The following TENT2 variants were observed in gnomAD, a reference collection of about 807,000 sequenced individuals.
The protein encoded by TENT2 is terminal nucleotidyltransferase 2, also known as poly(A) RNA polymerase GLD2.
A neutral mutation model predicts 72.2 loss-of-function variants in TENT2; 44 were observed. That is an observed-to-expected ratio of 0.61 (90% CI 0.48 to 0.78). The LOEUF is 0.78. TENT2 is among the 30% of genes least tolerant of loss of function. The pLI, the probability that TENT2 is intolerant of heterozygous loss-of-function variation, is 0.00. For missense variants in TENT2, 541 were observed against 569.6 expected (o/e 0.95, Z 0.51); for synonymous variants, 212 against 192.5 (o/e 1.10, Z -0.84).
intron 7 of TENT2, among the ~76,000 whole-genome samples, chr5:79,643,496 A>G (rs1012535222): frequency 6.6e-6 from 1 of 152,190 alleles, no homozygotes; most frequent in Non-Finnish European, 1.5e-5. Flanking sequence ...CTTCCATAGA[A>G]TTTTATAGAA....
chr5:79,683,650 T>G (rs1021680568), intron 14 of TENT2, among the ~76,000 whole-genome samples: 7 of 152,072 alleles, frequency 4.6e-5, no homozygotes, highest in Non-Finnish European at 7.4e-5. Flanking sequence ...GCGCGGTGGC[T>G]CACGCCTGTA....
At chr5:79,656,381 T>C (rs781502547) in intron 10 of TENT2, among the ~76,000 whole-genome samples, 2 of 151,992 alleles carry the variant, frequency 1.3e-5, no homozygotes, top group Non-Finnish European at 2.9e-5. Flanking sequence ...CTGAGCATTC[T>C]TTAAAAATGT....
intron 14 of TENT2, among the ~76,000 whole-genome samples, chr5:79,682,920 G>T (rs1823197342): frequency 1.3e-5 from 2 of 152,130 alleles, no homozygotes; most frequent in African/African-American, 4.8e-5. Flanking sequence ...GAGACATGGA[G>T]GGGAGGGAAA....
chr5:79,666,984 A>C (rs181857728), intron 11 of TENT2, among the ~76,000 whole-genome samples: 1 of 152,262 alleles, frequency 6.6e-6, no homozygotes, highest in East Asian at 1.9e-4. Flanking sequence ...CTCAATAAGC[A>C]TGACCTGACT....
intron 2 of TENT2, 63 bp downstream of exon 2, chr5:79,619,848 C>G: frequency 2.6e-6 from 4 of 1,544,848 alleles, no homozygotes; most frequent in Non-Finnish European, 3.5e-6. Context: ...TGACATAAAC[C>G]CTTTTTGTAT....
intron 10 of TENT2, among the ~76,000 whole-genome samples, chr5:79,653,955 A>G (rs1038416845): frequency 6.6e-6 from 1 of 152,186 alleles, no homozygotes; most frequent in Non-Finnish European, 1.5e-5. Flanking sequence ...AAATGCTTTA[A>G]TATCTTTTCT....
chr5:79,647,411 C>T (rs1789979158), intron 8 of TENT2, among the ~76,000 whole-genome samples: 1 of 152,062 alleles, frequency 6.6e-6, no homozygotes, highest in African/African-American at 2.4e-5. Context: ...TTTTTCTTTT[C>T]TATTGAGTTA....
At position 79,687,130 on chromosome 5, in the gene TENT2, A is replaced by G. The variant is rs927984659; in HGVS notation, c.*1857A>G. 2.0e-4 allele frequency among the ~76,000 whole-genome samples: 2 copies of G among 9,880 alleles called. No individual in the cohort carries two copies. The highest frequency in any genetic ancestry group is 1.2e-3 in the African/African-American group (1 of 852). The allele number at this position is 9,880 out of a possible 152,430, so 6.5% of individuals were successfully genotyped here. ...AGTTTTCAGTGGCCCCACACTTACT[A>G]CTGCTTTTCTTTGTTTTACCACGAA... On this transcript the variant is annotated 3_prime_UTR_variant, in exon 15 of 15. Transcript: ENST00000453514.
rs532658014 is a variant in TENT2, at chr5:79,687,614, C to T, written c.*2341C>T. 1.1e-4 allele frequency among the ~76,000 whole-genome samples: 16 copies of T among 152,236 alleles called. No homozygotes were observed. The highest frequency in any genetic ancestry group is 2.1e-4 in the South Asian group (1 of 4,818). On this transcript the variant is annotated 3_prime_UTR_variant, in exon 15 of 15. Coordinates refer to ENST00000453514, the MANE Select transcript of TENT2 (RefSeq NM_001114394.3). ...TAATGACAAGACAAAAAGTCTATAC[C>T]TGTTCGGTACAGATGCAACCATTCT...
At chr5:79,684,347 T>G (rs1824900825) in intron 14 of TENT2, among the ~76,000 whole-genome samples, 1 of 152,188 alleles carries the variant, frequency 6.6e-6, no homozygotes. Context: ...AGCCTCAATC[T>G]CCTGCGCTCA....
In TENT2 at chr5:79,688,054, G is replaced by A. The variant is rs1043396475; in HGVS notation, c.*2781G>A. On this transcript the variant is annotated 3_prime_UTR_variant, in exon 15 of 15. Transcript: ENST00000453514. ...GAGCTGTGGAAGCCTTGACTCTGCT[G>A]TTTTCCCTCCTTATGCCCCACTAGC... Among the ~76,000 whole-genome samples the A allele has an allele frequency of 3.3e-5, 5 of 152,148 alleles. No individual in the cohort carries two copies. The highest frequency in any genetic ancestry group is 1.2e-4 in the African/African-American group (5 of 41,428).
At chr5:79,642,772 G>C in intron 6 of TENT2, 60 bp from the exon 7 acceptor site, 2 of 1,367,680 alleles carry the variant, frequency 1.5e-6, no homozygotes, top group Non-Finnish European at 2.0e-6. Context: ...GATACTTTAG[G>C]AAAATGAAAC....
At chr5:79,679,797 A>C (rs1171680652) in intron 13 of TENT2, 127 bp downstream of exon 13, 3 of 504,464 alleles carry the variant, frequency 5.9e-6, no homozygotes, top group Non-Finnish European at 9.3e-6. Flanking sequence ...TTTAGTTTAA[A>C]ATTTTTAATT....
At chr5:79,618,060 A>T (rs1303348564) in intron 1 of TENT2, among the ~76,000 whole-genome samples, 2 of 152,038 alleles carry the variant, frequency 1.3e-5, no homozygotes, top group Non-Finnish European at 2.9e-5. Context: ...TTCTGTTACA[A>T]TGTTAGATCA....
Position 79,667,663 on chromosome 5 carries a change from G to A in TENT2, c.1072-1229G>A, listed in dbSNP as rs555808154. ...CTGAGAGAAAGGTAATCACTTCATA[G>A]TAGTTAACAATTATTGATAGAATTA... On this transcript the variant is annotated intron_variant, in intron 11 of 14. Coordinates refer to ENST00000453514, the MANE Select transcript of TENT2 (RefSeq NM_001114394.3). Among the ~76,000 whole-genome samples, 19 of 152,248 alleles carry A rather than the reference G, an allele frequency of 1.2e-4. No individual in the cohort carries two copies. The South Asian group carries it at 3.9e-3, about 32-fold the overall frequency.
At chr5:79,664,837 T>G (rs1377190258) in intron 11 of TENT2, among the ~76,000 whole-genome samples, 1 of 152,200 alleles carries the variant, frequency 6.6e-6, no homozygotes, top group African/African-American at 2.4e-5. Flanking sequence ...ATTTTTCCTT[T>G]CCTTGTATTA....
chr5:79,649,228 A>ATT, intron 10 of TENT2, 38 bp downstream of exon 10: 1 of 1,582,028 alleles, frequency 6.3e-7, no homozygotes, highest in Non-Finnish European at 8.7e-7. Flanking sequence ...TTTAAAAGTA[A>ATT]AAGACAGCTT....
chr5:79,642,751 C>CT lies in TENT2; in HGVS notation c.673-76dup, dbSNP rs112990902. ...AAGGAAAGTATATCTTGTATGTTTTCTTTTTGTTGAGATACTTTAGGAAAA... is the reference window on the plus strand; with the variant it reads ...AAGGAAAGTATATCTTGTATGTTTTCTTTTTTGTTGAGATACTTTAGGAAAA... On this transcript the variant is annotated intron_variant, in intron 6 of 14. Coordinates refer to ENST00000453514, the MANE Select transcript of TENT2 (RefSeq NM_001114394.3). 2,343 of 1,088,000 alleles carry CT rather than the reference C, an allele frequency of 2.2e-3. 42 individuals are homozygous for CT. In the African/African-American group the frequency reaches 0.033, roughly 15 times the overall value. 67.4% of individuals were successfully genotyped at this position (1,088,000 alleles called of 1,614,324 possible). A position where few individuals can be genotyped will look rare whatever the true frequency, so the allele number is the denominator to read the frequency against.
chr5:79,633,997 CAAAAAAA>C (rs562252526), intron 4 of TENT2, among the ~76,000 whole-genome samples: 29 of 70,500 alleles, frequency 4.1e-4, no homozygotes, highest in Admixed American at 1.1e-3. Context: ...ACTAAAAATA[CAAAAAAA>C]AAAAAAAAAA....
Sources: gnomAD v4.1 joint callset for allele counts (sites outside exome capture counted in the v4.1 genomes callset) on GRCh38, gnomAD v4.1.1 for gene constraint, MANE v1.5 for transcripts, NCBI Gene and HGNC (gene_info 2026-07-23, HGNC 2026-07-21) for gene names.